NEGR1: variants seen among roughly 807,000 people sequenced by gnomAD.
NEGR1 encodes the protein neuronal growth regulator 1.
NEGR1 carries 10 observed loss-of-function variants against 40.9 expected under a neutral mutation model. That is an observed-to-expected ratio of 0.24 (90% CI 0.15 to 0.42). The LOEUF (loss-of-function observed/expected upper bound fraction) is 0.42. Ranked by LOEUF, NEGR1 falls within the 10% of genes least tolerant of loss-of-function variation. The pLI is 1.00. For missense variants in NEGR1, 352 were observed against 438.9 expected, an observed-to-expected ratio of 0.80 and a Z score of 1.77; for synonymous variants, 185 against 166.8, an observed-to-expected ratio of 1.11 and a Z score of -0.84.
intron 1 of NEGR1, among the ~76,000 whole-genome samples, chr1:72,173,713 G>C (rs1466652516): frequency 6.6e-6 from 1 of 152,110 alleles, no homozygotes; most frequent in East Asian, 1.9e-4. Flanking sequence ...GGCCAGGGCA[G>C]GCAGATCACC....
intron 1 of NEGR1, among the ~76,000 whole-genome samples, chr1:72,216,585 G>A (rs915187919): frequency 2.0e-5 from 3 of 150,606 alleles, no homozygotes; most frequent in Non-Finnish European, 4.4e-5. Context: ...GGCCAATTAG[G>A]ATTTACCACA....
chr1:71,453,120 A>T (rs916182814), intron 6 of NEGR1, among the ~76,000 whole-genome samples: 5 of 152,194 alleles, frequency 3.3e-5, no homozygotes, highest in African/African-American at 1.2e-4. Context: ...TTTTGAAAGT[A>T]CAGAAATGCA....
At chr1:71,745,333 G>A (rs1397967098) in intron 3 of NEGR1, among the ~76,000 whole-genome samples, 1 of 152,110 alleles carries the variant, frequency 6.6e-6, no homozygotes, top group African/African-American at 2.4e-5. Flanking sequence ...TTGGCTGGCT[G>A]CTCTCTGGAC....
chr1:72,124,789 A>G (rs1303347795), intron 1 of NEGR1, among the ~76,000 whole-genome samples: 4 of 152,042 alleles, frequency 2.6e-5, no homozygotes, highest in African/African-American at 9.7e-5. Flanking sequence ...ACTGAGGATG[A>G]CTGTCAAATT....
At chr1:71,925,736 AAAAG>A (rs1645766538) in intron 2 of NEGR1, among the ~76,000 whole-genome samples, 1 of 152,182 alleles carries the variant, frequency 6.6e-6, no homozygotes, top group Non-Finnish European at 1.5e-5. Flanking sequence ...GGGAAAAAAA[AAAAG>A]AAAAATTATT....
chr1:71,977,326 A>C (rs77935402), intron 1 of NEGR1, among the ~76,000 whole-genome samples: 10 of 34,030 alleles, frequency 2.9e-4, no homozygotes, highest in Non-Finnish European at 3.6e-4. Context: ...ACTCCATCTC[A>C]AAAAAAACAA....
At chr1:72,080,391 T>G (rs1647944894) in intron 1 of NEGR1, among the ~76,000 whole-genome samples, 1 of 152,068 alleles carries the variant, frequency 6.6e-6, no homozygotes, top group Admixed American at 6.6e-5. Flanking sequence ...TTAATGATTT[T>G]TATGTTCTTG....
At chr1:71,477,143 A>G (rs781532292) in intron 6 of NEGR1, among the ~76,000 whole-genome samples, 1 of 152,160 alleles carries the variant, frequency 6.6e-6, no homozygotes, top group Non-Finnish European at 1.5e-5. Context: ...ATATTTAAAA[A>G]TTGCTTAACC....
At chr1:72,140,476 C>T (rs1418368248) in intron 1 of NEGR1, among the ~76,000 whole-genome samples, 1 of 151,846 alleles carries the variant, frequency 6.6e-6, no homozygotes, top group Non-Finnish European at 1.5e-5. Context: ...AAGAAGGGTC[C>T]AAAGTCTCCT....
chr1:71,946,760 CT>C (rs1371665311), intron 1 of NEGR1, among the ~76,000 whole-genome samples: 6 of 151,610 alleles, frequency 4.0e-5, no homozygotes, highest in Non-Finnish European at 5.9e-5. Flanking sequence ...AATAAAATAA[CT>C]TTTATAATTA....
chr1:71,974,440 C>A (rs1646284786), intron 1 of NEGR1, among the ~76,000 whole-genome samples: 1 of 151,858 alleles, frequency 6.6e-6, no homozygotes, highest in African/African-American at 2.4e-5. Context: ...TTTCTTTGAG[C>A]CTCTGATAGA....
chr1:71,659,377 T>C (rs936247884), intron 4 of NEGR1, among the ~76,000 whole-genome samples: 1 of 152,158 alleles, frequency 6.6e-6, no homozygotes, highest in Non-Finnish European at 1.5e-5. Context: ...GTAAAAACTC[T>C]GGAAGACAAC....
chr1:71,684,049 T>A (rs1652934421), intron 4 of NEGR1, among the ~76,000 whole-genome samples: 1 of 152,118 alleles, frequency 6.6e-6, no homozygotes, highest in Non-Finnish European at 1.5e-5. Flanking sequence ...GGCGGGCAGA[T>A]CACGAGGTCA....
intron 2 of NEGR1, among the ~76,000 whole-genome samples, chr1:71,845,829 A>G (rs953338584): frequency 6.6e-6 from 1 of 151,794 alleles, no homozygotes; most frequent in Admixed American, 6.6e-5. Flanking sequence ...GCACGATCAC[A>G]GCTCACTGCA....
At chr1:72,001,341 C>G (rs1261250291) in intron 1 of NEGR1, among the ~76,000 whole-genome samples, 1 of 151,918 alleles carries the variant, frequency 6.6e-6, no homozygotes, top group Non-Finnish European at 1.5e-5. Context: ...TCAGGTAGCA[C>G]TTAGACAAGC....
intron 2 of NEGR1, among the ~76,000 whole-genome samples, chr1:71,812,002 G>A (rs1658021501): frequency 6.6e-6 from 1 of 151,502 alleles, no homozygotes; most frequent in African/African-American, 2.4e-5. Context: ...CCATAACCTA[G>A]GTATTAAGCC....
At chr1:72,223,986 C>T (rs976357057) in intron 1 of NEGR1, among the ~76,000 whole-genome samples, 2 of 152,124 alleles carry the variant, frequency 1.3e-5, no homozygotes, top group African/African-American at 4.8e-5. Flanking sequence ...GCAGTCCCTC[C>T]AGCTTATCAA....
rs144477627 is a variant in NEGR1 at position 71,407,536 on chromosome 1, G to A, written c.975C>T (p.Ser325=). 1,720 of 1,611,944 alleles carry A rather than the reference G, an allele frequency of 1.1e-3. 11 individuals are homozygous for A. The African/African-American group carries it at 0.015, about 14-fold the overall frequency. Residue 325 remains serine, a synonymous_variant, in exon 7 of 7, where the codon AGC becomes AGT. Transcript: ENST00000357731. ...ACCAGCAGGAGAAAAGAACATCAGCGCTCCCGGTAATTCCATACTGGGCTG... is the reference window on the plus strand; with the variant it reads ...ACCAGCAGGAGAAAAGAACATCAGCACTCCCGGTAATTCCATACTGGGCTG... ...PSTAQYGITG[S]ADVLFSCWYL...
chr1:71,413,270 T>C (rs965270987), intron 6 of NEGR1, among the ~76,000 whole-genome samples: 5 of 152,216 alleles, frequency 3.3e-5, no homozygotes, highest in African/African-American at 9.6e-5. Context: ...CCTCATTCAC[T>C]TATTCCTTTA....
Sources: gnomAD v4.1 joint callset for allele counts (sites outside exome capture counted in the v4.1 genomes callset) on GRCh38, gnomAD v4.1.1 for gene constraint, MANE v1.5 for transcripts, NCBI Gene and HGNC (gene_info 2026-07-23, HGNC 2026-07-21) for gene names.